Variants in LDHAL6A observed in about 807,000 individuals in gnomAD.
LDHAL6A encodes the protein L-lactate dehydrogenase A-like 6A.
Under a neutral mutation model 28.2 loss-of-function variants are expected in LDHAL6A, and 19 were observed. The ratio of observed to expected loss-of-function variants is 0.67; its 90% confidence interval spans 0.47 to 0.99. The LOEUF (loss-of-function observed/expected upper bound fraction) is 0.99. Ranked by LOEUF, LDHAL6A falls within the 50% of genes least tolerant of loss-of-function variation. The probability of loss-of-function intolerance (pLI) is 0.00; values close to 1 mark genes in which losing one functional copy is unlikely to be tolerated. For missense variants in LDHAL6A, 372 were observed against 398.6 expected, an observed-to-expected ratio of 0.93 and a Z score of 0.57; for synonymous variants, 144 against 134.4, an observed-to-expected ratio of 1.07 and a Z score of -0.49.
At chr11:18,464,977 G>GTTTGTTTTTTTTTTTT (rs1849013732) in intron 2 of LDHAL6A, among the ~76,000 whole-genome samples, 3 of 125,490 alleles carry the variant, frequency 2.4e-5, no homozygotes, top group African/African-American at 1.0e-4. Flanking sequence ...TGTTTTTTTT[G>GTTTGTTTTTTTTTTTT]TTTTTTTTTG....
At chr11:18,471,227 TGA>T (rs1554967864) in intron 3 of LDHAL6A, among the ~76,000 whole-genome samples, 3 of 146,630 alleles carry the variant, frequency 2.0e-5, no homozygotes, top group African/African-American at 7.4e-5. Flanking sequence ...TTTTTTTTTT[TGA>T]GAGAGGGTTT....
At position 18,458,035 on chromosome 11, in the gene LDHAL6A, G is replaced by A. The variant is rs573731337; in HGVS notation, c.126+1229G>A. ...AATAAAAGATTTATTTATCACCTCT[G>A]CTTTGAAGGGCCATTCAGGGAGGGA... On this transcript the variant is annotated intron_variant, in intron 1 of 6. Coordinates refer to ENST00000280706, the MANE Select transcript of LDHAL6A (RefSeq NM_144972.5). Among the ~76,000 whole-genome samples the A allele has an allele frequency of 1.6e-4, 25 of 152,276 alleles. No individual in the cohort carries two copies. The East Asian group carries it at 4.4e-3, about 27-fold the overall frequency.
intron 3 of LDHAL6A, among the ~76,000 whole-genome samples, chr11:18,467,199 G>A (rs370083803): frequency 6.6e-6 from 1 of 152,200 alleles, no homozygotes; most frequent in Non-Finnish European, 1.5e-5. Flanking sequence ...CCAACAGTGA[G>A]TGCATGATTA....
Position 18,471,529 on chromosome 11 carries a change from C to G in LDHAL6A, c.419-3937C>G, listed in dbSNP as rs576197334. ...CTGCATACAGATCTTATTTCAGTTA[C>G]AAAAACACACTGTTGACATTATTTT... On this transcript the variant is annotated intron_variant, in intron 3 of 6. Transcript: ENST00000280706. Among the ~76,000 whole-genome samples the G allele has an allele frequency of 3.1e-4, 47 of 152,036 alleles. 1 individual carries two copies. In the South Asian group the frequency reaches 9.6e-3, roughly 31 times the overall value.
At chr11:18,466,254 A>G (rs1376328787) in intron 3 of LDHAL6A, among the ~76,000 whole-genome samples, 1 of 149,480 alleles carries the variant, frequency 6.7e-6, no homozygotes, top group Non-Finnish European at 1.5e-5. Context: ...TTTAATGAAT[A>G]TTAAATCGTA....
intron 3 of LDHAL6A, among the ~76,000 whole-genome samples, chr11:18,470,893 G>T (rs1212560629): frequency 6.6e-6 from 1 of 151,892 alleles, no homozygotes; most frequent in African/African-American, 2.4e-5. Context: ...CACCATGATG[G>T]CCAGTCTGGT....
chr11:18,478,143 T>G (rs1295167282), intron 6 of LDHAL6A, among the ~76,000 whole-genome samples: 1 of 152,150 alleles, frequency 6.6e-6, no homozygotes, highest in Non-Finnish European at 1.5e-5. Context: ...GCAGTTAGTC[T>G]CCTGGGGAAA....
chr11:18,469,933 T>C (rs1286653036), intron 3 of LDHAL6A, among the ~76,000 whole-genome samples: 1 of 152,054 alleles, frequency 6.6e-6, no homozygotes, highest in Non-Finnish European at 1.5e-5. Flanking sequence ...AATGATAATT[T>C]TATTTATTTT....
intron 1 of LDHAL6A, 84 bp downstream of exon 1, chr11:18,456,890 C>G: frequency 7.0e-7 from 1 of 1,428,836 alleles, no homozygotes; most frequent in South Asian, 1.4e-5. Context: ...GTGTCCAGTT[C>G]AAGGTGGTGA....
At chr11:18,462,974 G>T (rs1848965508) in intron 1 of LDHAL6A, among the ~76,000 whole-genome samples, 1 of 149,602 alleles carries the variant, frequency 6.7e-6, no homozygotes, top group Non-Finnish European at 1.5e-5. Context: ...TTTTCAAATA[G>T]AAGTATATTT....
intron 3 of LDHAL6A, among the ~76,000 whole-genome samples, chr11:18,474,895 A>G (rs897397786): frequency 3.9e-5 from 6 of 152,316 alleles, no homozygotes; most frequent in South Asian, 2.1e-4. Flanking sequence ...TATGGTTAAA[A>G]TAACACTTGT....
intron 1 of LDHAL6A, among the ~76,000 whole-genome samples, chr11:18,461,668 G>A (rs1157570656): frequency 6.6e-6 from 1 of 151,378 alleles, no homozygotes; most frequent in Admixed American, 6.6e-5. Flanking sequence ...GGCCAACATG[G>A]TGAAACCCCG....
chr11:18,472,204 T>C (rs60175249), intron 3 of LDHAL6A, among the ~76,000 whole-genome samples: 3,177 of 152,286 alleles, frequency 0.021, 45 homozygotes, highest in African/African-American at 0.04. Flanking sequence ...TCAGTGGCAG[T>C]TGACGAACCT....
rs538269604 is a variant in LDHAL6A, at chr11:18,473,049, TA to T, written c.419-2407del. Among the ~76,000 whole-genome samples, 262 of 148,918 alleles carry T rather than the reference TA, an allele frequency of 1.8e-3. 1 individual carries two copies. The highest frequency in any genetic ancestry group is 5.2e-3 in the African/African-American group (213 of 40,786). ...TTGTGAAATATTGTCCTACTACACT[TA>T]AAAAAAAAACCCAACACATTTCCTC... On this transcript the variant is annotated intron_variant, in intron 3 of 6. Transcript: ENST00000280706.
Position 18,478,884 on chromosome 11 carries a change from T to C in LDHAL6A, c.*14T>C, listed in dbSNP as rs368910048. On this transcript the variant is annotated 3_prime_UTR_variant, in exon 7 of 7. Coordinates refer to ENST00000280706, the MANE Select transcript of LDHAL6A (RefSeq NM_144972.5). ...CTCAAGCTTTAAAGTTGCTTAAAGC[T>C]AATTCTGTAGATTGAAGATGAAATA... 3.1e-6 allele frequency: 5 copies of C among 1,595,516 alleles called. No homozygotes were observed. The highest frequency in any genetic ancestry group is 4.3e-6 in the Non-Finnish European group (5 of 1,171,048).
intron 1 of LDHAL6A, among the ~76,000 whole-genome samples, chr11:18,462,385 C>T (rs920878793): frequency 2.6e-5 from 4 of 152,018 alleles, no homozygotes; most frequent in Non-Finnish European, 5.9e-5. Flanking sequence ...TGCCTGTAAT[C>T]CCAGCACTTT....
At chr11:18,469,160 G>C (rs1326605315) in intron 3 of LDHAL6A, 1 of 618,798 alleles carries the variant, frequency 1.6e-6, no homozygotes, top group African/African-American at 1.9e-5. Context: ...ACTCAGAGTT[G>C]TGAAGGCACC....
intron 1 of LDHAL6A, among the ~76,000 whole-genome samples, chr11:18,462,627 ACTCTGT>A (rs1233229287): frequency 7.5e-6 from 1 of 134,094 alleles, no homozygotes; most frequent in Non-Finnish European, 1.5e-5. Flanking sequence ...ACAGAGCAAG[ACTCTGT>A]CTCAAAAAAC....
In LDHAL6A at chr11:18,464,968, G is replaced by GTTTT. The variant is rs1565068644; in HGVS notation, c.245-664_245-661dup. Among the ~76,000 whole-genome samples, 12 of 3,800 alleles carry GTTTT rather than the reference G, an allele frequency of 3.2e-3. 1 individual carries two copies. Among genetic ancestry groups the GTTTT allele is most frequent in the African/African-American group, 5.5e-3 (12 of 2,196 alleles). The allele number at this position is 3,800 out of a possible 152,430, so 2.5% of individuals were successfully genotyped here. ...CAAAAGGTATTTTAGGAGGTGAGGT[G>GTTTT]TTTTTTTTGTTTTTTTTTGTTTTGT... On this transcript the variant is annotated intron_variant, in intron 2 of 6. Coordinates refer to ENST00000280706, the MANE Select transcript of LDHAL6A (RefSeq NM_144972.5).
Sources: allele counts gnomAD v4.1 joint callset (sites outside exome capture counted in the v4.1 genomes callset), GRCh38; gene constraint gnomAD v4.1.1; transcripts MANE v1.5; gene names NCBI Gene and HGNC (gene_info 2026-07-23, HGNC 2026-07-21).